OSTN: variants seen among roughly 807,000 people sequenced by gnomAD.
OSTN encodes the protein osteocrin.
OSTN carries 9 observed loss-of-function variants against 12.0 expected under a neutral mutation model. The observed-to-expected ratio is 0.75, with a 90% confidence interval of 0.45 to 1.30. OSTN has a LOEUF of 1.30. Among genes scored for constraint, OSTN ranks in the 50% most tolerant of loss-of-function variants. The pLI, the probability that OSTN is intolerant of heterozygous loss-of-function variation, is 0.00. For missense variants in OSTN, 148 were observed against 152.3 expected (o/e 0.97, Z 0.15); for synonymous variants, 59 against 56.9 (o/e 1.04, Z -0.16).
At chr3:191,240,869 A>T (rs1715302040) in intron 3 of OSTN, among the ~76,000 whole-genome samples, 1 of 152,256 alleles carries the variant, frequency 6.6e-6, no homozygotes, top group Admixed American at 6.5e-5. Flanking sequence ...GATCCAACAA[A>T]GTGAGGCAGA....
intron 3 of OSTN, among the ~76,000 whole-genome samples, chr3:191,220,577 G>A (rs116658733): frequency 4.0e-4 from 61 of 152,204 alleles, no homozygotes; most frequent in South Asian, 1.2e-3. Flanking sequence ...CAGTTTAGAG[G>A]TTCCTCAGAA....
chr3:191,204,533 C>CA (rs1714225435), intron 1 of OSTN, among the ~76,000 whole-genome samples: 1 of 152,126 alleles, frequency 6.6e-6, no homozygotes, highest in Non-Finnish European at 1.5e-5. Flanking sequence ...CTAAGTGACA[C>CA]AGCCACACTC....
intron 4 of OSTN, among the ~76,000 whole-genome samples, chr3:191,259,176 T>C (rs1576941701): frequency 6.7e-6 from 1 of 149,330 alleles, no homozygotes; most frequent in Non-Finnish European, 1.5e-5. Flanking sequence ...CAGGGAGAAG[T>C]GAAAGTAAAC....
Position 191,250,020 on chromosome 3 carries a change from T to C in OSTN, c.318-17T>C, listed in dbSNP as rs200282712. 1.7e-4 allele frequency: 264 copies of C among 1,590,604 alleles called. No individual in the cohort carries two copies. In the African/African-American group the frequency reaches 3.1e-3, roughly 18 times the overall value. ...CTTGCCCTTTAGTTTAAAAATGTCC[T>C]CCTTGGTTTGTTTCAGGAAAGTAGT... On this transcript the variant is annotated splice_polypyrimidine_tract_variant and intron_variant, in intron 3 of 4. Transcript: ENST00000682035.
intron 3 of OSTN, among the ~76,000 whole-genome samples, chr3:191,246,693 G>A (rs955839699): frequency 6.6e-6 from 1 of 151,742 alleles, no homozygotes; most frequent in African/African-American, 2.4e-5. Flanking sequence ...AGAGGAAGAG[G>A]AGGATGAAAA....
chr3:191,217,051 A>T (rs1714629723), intron 2 of OSTN: 1 of 152,274 alleles, frequency 6.6e-6, no homozygotes, highest in African/African-American at 2.4e-5. Context: ...TATAAAGGAA[A>T]GAGGTTTAAT....
At chr3:191,222,697 G>T (rs1560117075) in intron 3 of OSTN, among the ~76,000 whole-genome samples, 1 of 152,062 alleles carries the variant, frequency 6.6e-6, no homozygotes, top group South Asian at 2.1e-4. Context: ...GAGGGGCCAG[G>T]GATGGAATTA....
intron 3 of OSTN, among the ~76,000 whole-genome samples, chr3:191,223,665 A>G (rs1460597577): frequency 1.3e-5 from 2 of 152,170 alleles, no homozygotes; most frequent in Non-Finnish European, 2.9e-5. Flanking sequence ...ATAGACAAAA[A>G]CTGAAAACAG....
At chr3:191,202,747 G>A (rs6773838) in intron 1 of OSTN, among the ~76,000 whole-genome samples, 60,795 of 151,890 alleles carry the variant, frequency 0.4, 12,854 homozygotes, top group African/African-American at 0.54. Flanking sequence ...GCCTATGTAT[G>A]GAACGGCCAG....
intron 3 of OSTN, among the ~76,000 whole-genome samples, chr3:191,222,618 G>T (rs991988350): frequency 1.3e-5 from 2 of 152,232 alleles, no homozygotes; most frequent in African/African-American, 4.8e-5. Context: ...ATGCTGGAAT[G>T]AGTTAAGATT....
chr3:191,262,220 A>G (rs977428906), intron 4 of OSTN, among the ~76,000 whole-genome samples: 1 of 152,212 alleles, frequency 6.6e-6, no homozygotes, highest in Non-Finnish European at 1.5e-5. Flanking sequence ...CAAAAAAGAA[A>G]AAAGAAAAGA....
chr3:191,200,431 C>A (rs1458760288), intron 1 of OSTN, among the ~76,000 whole-genome samples: 1 of 152,174 alleles, frequency 6.6e-6, no homozygotes, highest in East Asian at 1.9e-4. Flanking sequence ...GGCACGGGAA[C>A]CTCAGGGCTA....
intron 2 of OSTN, 86 bp from the exon 3 acceptor site, chr3:191,218,661 C>G: frequency 9.4e-7 from 1 of 1,068,950 alleles, no homozygotes; most frequent in Middle Eastern, 2.0e-4. Context: ...AGTATGTCAG[C>G]TAACAGTAGC....
chr3:191,209,696 GT>G (rs1176544287), intron 1 of OSTN, among the ~76,000 whole-genome samples: 1 of 152,142 alleles, frequency 6.6e-6, no homozygotes, highest in Non-Finnish European at 1.5e-5. Flanking sequence ...ATACTATTCT[GT>G]TTACATAAAA....
intron 3 of OSTN, among the ~76,000 whole-genome samples, chr3:191,235,034 A>G (rs969227514): frequency 2.6e-5 from 4 of 152,196 alleles, no homozygotes; most frequent in Non-Finnish European, 5.9e-5. Context: ...ACTTTGCTCC[A>G]GAATATTGTT....
intron 3 of OSTN, among the ~76,000 whole-genome samples, chr3:191,221,696 C>T (rs1479468927): frequency 6.6e-6 from 1 of 151,998 alleles, no homozygotes; most frequent in Non-Finnish European, 1.5e-5. Flanking sequence ...GAAAAATTTG[C>T]AGCCTGATGA....
At chr3:191,219,049 A>T in intron 3 of OSTN, 88 bp downstream of exon 3, 1 of 1,174,040 alleles carries the variant, frequency 8.5e-7, no homozygotes, top group Non-Finnish European at 1.2e-6. Context: ...TGAAAAATAC[A>T]GTGAAAACCT....
intron 4 of OSTN, among the ~76,000 whole-genome samples, chr3:191,251,106 T>C (rs573181993): frequency 6.7e-4 from 102 of 152,286 alleles, no homozygotes; most frequent in African/African-American, 2.0e-3. Context: ...TAAGCACTTA[T>C]AATAGTACCT....
intron 3 of OSTN, among the ~76,000 whole-genome samples, chr3:191,226,909 G>T (rs1452147213): frequency 1.3e-5 from 2 of 152,032 alleles, no homozygotes; most frequent in Non-Finnish European, 2.9e-5. Flanking sequence ...ACCCCACATA[G>T]GTATTAGAAG....
Sources: gnomAD v4.1 joint callset for allele counts (sites outside exome capture counted in the v4.1 genomes callset) on GRCh38, gnomAD v4.1.1 for gene constraint, MANE v1.5 for transcripts, NCBI Gene and HGNC (gene_info 2026-07-23, HGNC 2026-07-21) for gene names.